The following APOLD1 variants were observed in gnomAD, a reference collection of about 807,000 sequenced individuals.
The protein encoded by APOLD1 is apolipoprotein L domain-containing protein 1.
APOLD1 carries 22 observed loss-of-function variants against 15.3 expected under a neutral mutation model. The ratio of observed to expected loss-of-function variants is 1.44; its 90% CI spans 1.03 to 2.05. The LOEUF (loss-of-function observed/expected upper bound fraction) is 2.05. Among genes scored for constraint, APOLD1 ranks in the 30% most tolerant of loss-of-function variants. The pLI is 0.00. For missense variants in APOLD1, 394 were observed against 353.5 expected (o/e 1.11, Z -0.92); for synonymous variants, 190 against 167.4 (o/e 1.13, Z -1.04).
intron 1 of APOLD1, among the ~76,000 whole-genome samples, chr12:12,766,319 A>G (rs1408050790): frequency 6.9e-6 from 1 of 144,226 alleles, no homozygotes; most frequent in African/African-American, 2.8e-5. Context: ...AGTGGGCAGG[A>G]TCATGTAATA....
intron 1 of APOLD1, among the ~76,000 whole-genome samples, chr12:12,778,957 A>G (rs1475456071): frequency 6.6e-6 from 1 of 152,038 alleles, no homozygotes; most frequent in Non-Finnish European, 1.5e-5. Context: ...TCTTTCCCAC[A>G]TGGCACTGGA....
intron 1 of APOLD1, 68 bp from the exon 2 acceptor site, chr12:12,786,841 G>A (rs1592311465): frequency 1.5e-6 from 2 of 1,345,868 alleles, no homozygotes; most frequent in African/African-American, 1.5e-5. Context: ...GCTGGCGTCC[G>A]GGCAGCAGGG....
chr12:12,787,575 G>T lies in APOLD1; in HGVS notation c.670G>T (p.Val224Phe), dbSNP rs752340623. 1.2e-6 allele frequency: 2 copies of T among 1,613,020 alleles called. No homozygotes were observed. Among genetic ancestry groups the T allele is most frequent in the East Asian group, 2.2e-5 (1 of 44,878 alleles). ...DELSEQLESR[V>F]QLCTKSSRGH... ...ACTCAGCGAGCAGCTGGAGTCTCGG[G>T]TTCAGCTCTGCACCAAGTCCAGTCG... Residue 224 changes from valine to phenylalanine, a missense_variant, in exon 2 of 2, where the codon GTT becomes TTT. Transcript: ENST00000356591. The surrounding 1 kb of genome is among the most constrained non-coding windows in gnomAD (Gnocchi z 4.9).
chr12:12,751,526 T>A (rs993254069), intron 1 of APOLD1, among the ~76,000 whole-genome samples: 2 of 152,126 alleles, frequency 1.3e-5, no homozygotes, highest in African/African-American at 4.8e-5. Flanking sequence ...AATTTTTAAA[T>A]TTTCAGAAGA....
At chr12:12,742,779 G>A (rs1451159391) in intron 1 of APOLD1, among the ~76,000 whole-genome samples, 3 of 139,118 alleles carry the variant, frequency 2.2e-5, no homozygotes, top group African/African-American at 5.3e-5. Flanking sequence ...AAAAAAAAAG[G>A]CCCTGGTCAG....
upstream of APOLD1, among the ~76,000 whole-genome samples, chr12:12,784,122 C>T (rs373119841): frequency 2.0e-5 from 3 of 152,246 alleles, no homozygotes; most frequent in East Asian, 5.8e-4. Flanking sequence ...GTTCTTCATC[C>T]CACCTCTGTA....
At position 12,731,922 on chromosome 12, in the gene APOLD1, G is replaced by A. The variant is rs146408233; in HGVS notation, c.96+5826G>A. Among the ~76,000 whole-genome samples the A allele has an allele frequency of 9.1e-4, 138 of 152,314 alleles. 2 individuals are homozygous for A. Among genetic ancestry groups the A allele is most frequent in the Middle Eastern group, 3.4e-3 (1 of 294 alleles). ...GTAAAATCCCTCCCATCCAAATAAT[G>A]TTATCTTTAGCTTAGTGGCATCTCC... On this transcript the variant is annotated intron_variant, in intron 1 of 1. Coordinates refer to the APOLD1 transcript ENST00000326765.
intron 1 of APOLD1, among the ~76,000 whole-genome samples, chr12:12,768,705 T>C (rs777439604): frequency 2.0e-5 from 3 of 151,682 alleles, no homozygotes; most frequent in Non-Finnish European, 2.9e-5. Flanking sequence ...AGTCACTTGC[T>C]TGAAGTCACA....
intron 1 of APOLD1, among the ~76,000 whole-genome samples, chr12:12,762,057 G>T (rs1007702240): frequency 6.6e-6 from 1 of 152,048 alleles, no homozygotes. Context: ...TGCCCAGGCT[G>T]CAAATGAAGA....
chr12:12,745,361 C>G (rs940238626), intron 1 of APOLD1, among the ~76,000 whole-genome samples: 2 of 151,440 alleles, frequency 1.3e-5, no homozygotes, highest in Non-Finnish European at 2.9e-5. Context: ...GGCCACTAAA[C>G]TCTACTAAAA....
intron 1 of APOLD1, among the ~76,000 whole-genome samples, chr12:12,730,573 G>C (rs35071163): frequency 0.5 from 74,854 of 149,472 alleles, 19,022 homozygotes; most frequent in African/African-American, 0.57. Context: ...CCCAGCTACT[G>C]GAGAGGCTGA....
rs1252603421 is a variant in APOLD1 at position 12,788,123 on chromosome 12, C to T, written c.*471C>T. 2 of 159,266 alleles carry T rather than the reference C, an allele frequency of 1.3e-5. No homozygotes were observed. The highest frequency in any genetic ancestry group is 3.8e-4 in the East Asian group (2 of 5,324). The allele number at this position is 159,266 out of a possible 1,614,324, so 9.9% of individuals were successfully genotyped here. A position where few individuals can be genotyped will look rare whatever the true frequency, so the allele number is the denominator to read the frequency against. ...TTTCTGATACAAAGAACTCCAGAATCCAGAGCAAATCAGCCCTTCTCTGAA... is the reference window on the plus strand; with the variant it reads ...TTTCTGATACAAAGAACTCCAGAATTCAGAGCAAATCAGCCCTTCTCTGAA... On this transcript the variant is annotated 3_prime_UTR_variant, in exon 2 of 2. Transcript: ENST00000356591.
chr12:12,777,416 C>T (rs1444687993), intron 1 of APOLD1, among the ~76,000 whole-genome samples: 1 of 152,148 alleles, frequency 6.6e-6, no homozygotes, highest in Non-Finnish European at 1.5e-5. Flanking sequence ...TTTAGAACTC[C>T]ATGGTCCTTT....
intron 1 of APOLD1, among the ~76,000 whole-genome samples, chr12:12,730,059 TGTGTGTGTGTGTGTGTGTGA>T (rs369072301): frequency 2.3e-4 from 25 of 106,498 alleles, no homozygotes; most frequent in African/African-American, 3.4e-4. Flanking sequence ...TGTGTGTGTG[TGTGTGTGTGTGTGTGTGTGA>T]GAGAGAGAGA....
intron 1 of APOLD1, among the ~76,000 whole-genome samples, chr12:12,733,049 C>T (rs932948897): frequency 3.5e-4 from 53 of 151,734 alleles, no homozygotes; most frequent in African/African-American, 1.1e-3. Flanking sequence ...CAGGGTGGCT[C>T]ATGCCTGTAA....
At chr12:12,776,880 C>G (rs1396085361) in intron 1 of APOLD1, among the ~76,000 whole-genome samples, 1 of 152,016 alleles carries the variant, frequency 6.6e-6, no homozygotes, top group African/African-American at 2.4e-5. Flanking sequence ...TAGATATTAA[C>G]AATGGTAACA....
Position 12,761,252 on chromosome 12 carries a change from A to G in APOLD1, c.97-25657A>G, listed in dbSNP as rs551876206. Among the ~76,000 whole-genome samples the G allele has an allele frequency of 2.0e-5, 3 of 152,340 alleles. No individual in the cohort carries two copies. In the East Asian group the frequency reaches 5.8e-4, roughly 29 times the overall value. ...TTGAAATAAAGCTGATTGAAGGATTATGTTGTCTGAATAGCTGTAGGATTC... is the reference window on the plus strand; with the variant it reads ...TTGAAATAAAGCTGATTGAAGGATTGTGTTGTCTGAATAGCTGTAGGATTC... On this transcript the variant is annotated intron_variant, in intron 1 of 1. Transcript: ENST00000326765.
intron 1 of APOLD1, among the ~76,000 whole-genome samples, chr12:12,762,991 T>A (rs933454121): frequency 2.6e-5 from 4 of 151,618 alleles, no homozygotes; most frequent in Non-Finnish European, 4.4e-5. Flanking sequence ...AAAAGAAAAA[T>A]TTTAAAAGCC....
At chr12:12,767,920 G>C (rs1946953826) in intron 1 of APOLD1, among the ~76,000 whole-genome samples, 1 of 151,936 alleles carries the variant, frequency 6.6e-6, no homozygotes, top group Non-Finnish European at 1.5e-5. Flanking sequence ...CGAGTAGCTG[G>C]GACTACAGGC....
Sources: gnomAD v4.1 joint callset for allele counts (sites outside exome capture counted in the v4.1 genomes callset) on GRCh38, gnomAD v4.1.1 for gene constraint, Gnocchi (gnomAD v3.1) non-coding constraint, MANE v1.5 for transcripts, NCBI Gene and HGNC (gene_info 2026-07-23, HGNC 2026-07-21) for gene names.